Variants in ZNRF3 observed in about 807,000 individuals in gnomAD.
ZNRF3 encodes E3 ubiquitin-protein ligase ZNRF3.
A neutral mutation model predicts 72.5 loss-of-function variants in ZNRF3; 23 were observed. The observed-to-expected ratio is 0.32, with a 90% confidence interval of 0.23 to 0.45. ZNRF3 has a LOEUF of 0.45. Ranked by LOEUF, ZNRF3 falls within the 20% of genes least tolerant of loss-of-function variation. ZNRF3 has a pLI of 1.00. For missense variants in ZNRF3, 1,169 were observed against 1,272.1 expected, an observed-to-expected ratio of 0.92 and a Z score of 1.23; for synonymous variants, 610 against 545.3, an observed-to-expected ratio of 1.12 and a Z score of -1.65.
chr22:28,941,721 A>C (rs2034950788), intron 1 of ZNRF3, among the ~76,000 whole-genome samples: 1 of 151,968 alleles, frequency 6.6e-6, no homozygotes, highest in Non-Finnish European at 1.5e-5. Flanking sequence ...TCCTCAAGTG[A>C]CCAGCATGGT....
intron 2 of ZNRF3, among the ~76,000 whole-genome samples, chr22:29,039,960 A>G (rs1261032207): frequency 6.6e-6 from 1 of 152,046 alleles, no homozygotes. Flanking sequence ...TCTCTGATAG[A>G]TAGAAAGATA....
chr22:29,045,037 G>A, intron 5 of ZNRF3, 147 bp downstream of exon 5: 1 of 634,092 alleles, frequency 1.6e-6, no homozygotes, highest in Non-Finnish European at 2.8e-6. Flanking sequence ...GTTCCCAGTG[G>A]CCTAGAAACT....
rs116669139 is a variant in ZNRF3, at chr22:28,994,918, C to T, written c.426+7717C>T. On this transcript the variant is annotated intron_variant, in intron 2 of 8. Transcript: ENST00000544604. ...ACTGAATCCTGGGGCAAAGCAAACC[C>T]GCATCCCATAGAATGTTATTCCCAA... Among the ~76,000 whole-genome samples the T allele has an allele frequency of 9.0e-3, 1,367 of 152,240 alleles. 25 individuals are homozygous for T. The highest frequency in any genetic ancestry group is 0.032 in the African/African-American group (1,316 of 41,534).
At chr22:28,894,659 A>G (rs904046102) in intron 1 of ZNRF3, among the ~76,000 whole-genome samples, 2 of 152,176 alleles carry the variant, frequency 1.3e-5, no homozygotes, top group African/African-American at 4.8e-5. Flanking sequence ...GCTTCTGAAC[A>G]GGCTGGATTC....
chr22:28,915,743 A>G (rs1259855869), intron 1 of ZNRF3, among the ~76,000 whole-genome samples: 1 of 152,226 alleles, frequency 6.6e-6, no homozygotes, highest in African/African-American at 2.4e-5. Flanking sequence ...GATTTCCGAA[A>G]AAGATTAAAA....
chr22:28,972,195 A>G (rs1047971888), intron 1 of ZNRF3, among the ~76,000 whole-genome samples: 1 of 152,224 alleles, frequency 6.6e-6, no homozygotes, highest in Admixed American at 6.5e-5. Context: ...AGAGTTGTAC[A>G]ACCATCACCA....
At chr22:28,916,191 A>G (rs886144876) in intron 1 of ZNRF3, among the ~76,000 whole-genome samples, 9 of 152,094 alleles carry the variant, frequency 5.9e-5, no homozygotes, top group African/African-American at 2.2e-4. Flanking sequence ...CCTCCCGAGT[A>G]GCTGGGACTA....
At chr22:28,903,053 G>C (rs541362417) in intron 1 of ZNRF3, among the ~76,000 whole-genome samples, 68 of 152,222 alleles carry the variant, frequency 4.5e-4, no homozygotes, top group African/African-American at 1.6e-3. Context: ...GTGGGGGTCT[G>C]TGGGCTCCCC....
chr22:28,908,839 C>T (rs750004893), intron 1 of ZNRF3, among the ~76,000 whole-genome samples: 9 of 152,102 alleles, frequency 5.9e-5, no homozygotes, highest in Middle Eastern at 3.2e-3. Context: ...AGCTATTGGT[C>T]TAGTAGAGAC....
chr22:28,993,345 G>A (rs930324292), intron 2 of ZNRF3, among the ~76,000 whole-genome samples: 4 of 152,190 alleles, frequency 2.6e-5, no homozygotes, highest in African/African-American at 9.7e-5. Flanking sequence ...GTGAAATGTA[G>A]GAGCAACATG....
chr22:29,049,554 A>G lies in ZNRF3; in HGVS notation c.1373A>G (p.Lys458Arg), dbSNP rs2037142816. Reference protein sequence around the residue: ...RPKLSGRSFSKAACFSQYETM... With the variant: ...RPKLSGRSFSRAACFSQYETM... ...AAGTTGAGTGGCCGCAGCTTCTCCAAGGCAGCTTGCTTCTCCCAGTATGAG... is the reference window on the plus strand; with the variant it reads ...AAGTTGAGTGGCCGCAGCTTCTCCAGGGCAGCTTGCTTCTCCCAGTATGAG... The change falls in exon 8 of 9, where the codon AAG (lysine) becomes AGG (arginine). Residue 458 changes from lysine to arginine, a missense_variant. Physicochemically the swap from Lys to Arg is conservative, Grantham distance 26 (BLOSUM62 2). Around this residue, in one of 2 missense-constraint regions of ZNRF3, gnomAD observed 783 missense variants for 731.4 expected, o/e 1.07. Transcript: ENST00000544604. The surrounding 1 kb of genome is among the most constrained non-coding windows in gnomAD (Gnocchi z 5.2). 6.2e-7 allele frequency: 1 copy of G among 1,604,734 alleles called. No individual in the cohort carries two copies. Among genetic ancestry groups the G allele is most frequent in the Non-Finnish European group, 8.5e-7 (1 of 1,177,378 alleles).
intron 2 of ZNRF3, among the ~76,000 whole-genome samples, chr22:29,038,438 G>A (rs2036902558): frequency 6.6e-6 from 1 of 151,536 alleles, no homozygotes; most frequent in Non-Finnish European, 1.5e-5. Flanking sequence ...CTGGGCTCAA[G>A]CAGTCTACCT....
At chr22:28,885,590 TAAAAA>T (rs34201242) in intron 1 of ZNRF3, among the ~76,000 whole-genome samples, 1 of 102,742 alleles carries the variant, frequency 9.7e-6, no homozygotes, top group African/African-American at 3.5e-5. Flanking sequence ...TACAGCCTTC[TAAAAA>T]AAAAAAAAAA....
At chr22:28,989,985 C>T (rs1386031324) in intron 2 of ZNRF3, among the ~76,000 whole-genome samples, 1 of 152,222 alleles carries the variant, frequency 6.6e-6, no homozygotes, top group Admixed American at 6.5e-5. Flanking sequence ...ACTCTATAAA[C>T]TCATGAGAGA....
intron 2 of ZNRF3, among the ~76,000 whole-genome samples, chr22:29,033,737 T>C (rs1404281945): frequency 2.0e-5 from 3 of 152,098 alleles, no homozygotes; most frequent in African/African-American, 7.2e-5. Context: ...GGCTGCAGTT[T>C]TGACTTTGCC....
At chr22:28,902,731 T>C (rs1299000687) in intron 1 of ZNRF3, among the ~76,000 whole-genome samples, 1 of 152,202 alleles carries the variant, frequency 6.6e-6, no homozygotes, top group Non-Finnish European at 1.5e-5. Context: ...TTTCTGCATC[T>C]GTAAAATGGA....
intron 1 of ZNRF3, among the ~76,000 whole-genome samples, chr22:28,912,869 T>C (rs992546744): frequency 2.3e-4 from 35 of 152,132 alleles, no homozygotes; most frequent in African/African-American, 7.5e-4. Flanking sequence ...TGTCACCATG[T>C]TGGCCAGGCT....
At chr22:28,894,063 C>T (rs1383612128) in intron 1 of ZNRF3, among the ~76,000 whole-genome samples, 2 of 152,038 alleles carry the variant, frequency 1.3e-5, no homozygotes, top group South Asian at 2.1e-4. Flanking sequence ...CACAAGTGAT[C>T]CTTCCGCCTC....
At chr22:28,958,608 G>A (rs2035300706) in intron 1 of ZNRF3, among the ~76,000 whole-genome samples, 1 of 152,142 alleles carries the variant, frequency 6.6e-6, no homozygotes, top group Non-Finnish European at 1.5e-5. Context: ...ATTATGAGTT[G>A]TAAAGACCGA....
Sources: gnomAD v4.1 joint callset for allele counts (sites outside exome capture counted in the v4.1 genomes callset) on GRCh38, gnomAD v4.1.1 for gene constraint, gnomAD v4.1.1 regional missense constraint, Gnocchi (gnomAD v3.1) non-coding constraint, MANE v1.5 for transcripts, NCBI Gene and HGNC (gene_info 2026-07-23, HGNC 2026-07-21) for gene names.